DCDC2C: variants seen among roughly 807,000 people sequenced by gnomAD.
DCDC2C encodes the protein doublecortin domain-containing protein 2C.
In DCDC2C, 44 loss-of-function variants were observed where a neutral mutation model predicts 45.0. That is an observed-to-expected ratio of 0.98 (90% CI 0.77 to 1.26). The LOEUF (loss-of-function observed/expected upper bound fraction) is 1.26. DCDC2C is among the 50% of genes most tolerant of loss of function. DCDC2C has a pLI of 0.00. For missense variants in DCDC2C, 447 were observed against 468.9 expected, an observed-to-expected ratio of 0.95 and a Z score of 0.43; for synonymous variants, 187 against 178.8, an observed-to-expected ratio of 1.05 and a Z score of -0.37.
At chr2:3,838,793 A>G (rs1488431879) in intron 10 of DCDC2C, among the ~76,000 whole-genome samples, 2 of 152,334 alleles carry the variant, frequency 1.3e-5, no homozygotes, top group Non-Finnish European at 2.9e-5. Context: ...TCTGAAAAAC[A>G]TGTATGCCTT....
rs891700130 is a variant in DCDC2C at position 3,754,600 on chromosome 2, C to A, written c.692C>A (p.Ala231Glu). The change falls in exon 6 of 11, where the codon GCG (alanine) becomes GAG (glutamate). Residue 231 changes from alanine to glutamate, a missense_variant. Physicochemically the swap from Ala to Glu is moderately radical, Grantham distance 107. Transcript: ENST00000399143. The stretch of plus-strand genomic sequence containing the variant: ...CATCTTTTGTCTTGCAGAAGGTATG[C>A]GAATGTTGAAAAAAACTCACAGAGA... ...RVPSEVQQRY[A>E]NVEKNSQRKK... 35 of 1,548,792 alleles carry A rather than the reference C, an allele frequency of 2.3e-5. No homozygotes were observed. The highest frequency in any genetic ancestry group is 3.1e-5 in the Non-Finnish European group (35 of 1,146,472).
At chr2:3,813,057 ATATATATATATT>A (rs201434576) in intron 10 of DCDC2C, among the ~76,000 whole-genome samples, 13,747 of 100,164 alleles carry the variant, frequency 0.14, 1,244 homozygotes, top group East Asian at 0.29. Flanking sequence ...ATATATATAT[ATATATATATATT>A]TTTTTTTTTT....
intron 9 of DCDC2C, among the ~76,000 whole-genome samples, chr2:3,780,616 A>G (rs1670482666): frequency 6.6e-6 from 1 of 152,210 alleles, no homozygotes; most frequent in Non-Finnish European, 1.5e-5. Context: ...TCTTGCCTGA[A>G]CATTAATGAC....
intron 3 of DCDC2C, among the ~76,000 whole-genome samples, chr2:3,730,466 G>C (rs1347293450): frequency 6.6e-6 from 1 of 152,036 alleles, no homozygotes; most frequent in Non-Finnish European, 1.5e-5. Context: ...CCATCATTAC[G>C]ACAGAACAAA....
intron 10 of DCDC2C, among the ~76,000 whole-genome samples, chr2:3,835,112 T>C (rs1352524011): frequency 1.3e-5 from 2 of 152,170 alleles, no homozygotes; most frequent in Non-Finnish European, 2.9e-5. Flanking sequence ...GCAATGGAAG[T>C]GCTTCTCCAC....
At chr2:3,755,165 A>ATGTATGGATGCATGTGTG (rs1334138501) in intron 6 of DCDC2C, among the ~76,000 whole-genome samples, 3 of 151,154 alleles carry the variant, frequency 2.0e-5, no homozygotes, top group East Asian at 3.9e-4. Context: ...ATGCATGTGT[A>ATGTATGGATGCATGTGTG]TGTATGGATG....
chr2:3,798,836 A>G (rs1671032370), intron 10 of DCDC2C, among the ~76,000 whole-genome samples: 1 of 151,942 alleles, frequency 6.6e-6, no homozygotes, highest in African/African-American at 2.4e-5. Flanking sequence ...GGTGAATCTG[A>G]CAATTATGTG....
At chr2:3,797,777 G>A (rs1322788523) in intron 10 of DCDC2C, among the ~76,000 whole-genome samples, 1 of 151,922 alleles carries the variant, frequency 6.6e-6, no homozygotes, top group East Asian at 1.9e-4. Flanking sequence ...GCTGAGGAGA[G>A]CTTTACTTCC....
chr2:3,789,398 C>T (rs1037843681), intron 10 of DCDC2C, among the ~76,000 whole-genome samples: 2 of 152,126 alleles, frequency 1.3e-5, no homozygotes, highest in African/African-American at 4.8e-5. Flanking sequence ...CAACTTTATA[C>T]TGTATTTATT....
At chr2:3,830,173 A>G (rs1174789905) in intron 10 of DCDC2C, among the ~76,000 whole-genome samples, 1 of 152,206 alleles carries the variant, frequency 6.6e-6, no homozygotes, top group Non-Finnish European at 1.5e-5. Context: ...TCAGGCCCTG[A>G]TGTTTGTGCT....
At chr2:3,777,365 C>G (rs1318369976) in intron 8 of DCDC2C, among the ~76,000 whole-genome samples, 1 of 152,104 alleles carries the variant, frequency 6.6e-6, no homozygotes. Flanking sequence ...ATCTGTCTTC[C>G]CTATAAGACT....
At chr2:3,709,591 A>G (rs1668156025) in intron 2 of DCDC2C, among the ~76,000 whole-genome samples, 1 of 152,244 alleles carries the variant, frequency 6.6e-6, no homozygotes, top group African/African-American at 2.4e-5. Context: ...CGAGAGGGCA[A>G]GTTTCCAACT....
chr2:3,833,281 C>CT (rs1671996862), intron 10 of DCDC2C, among the ~76,000 whole-genome samples: 1 of 152,196 alleles, frequency 6.6e-6, no homozygotes, highest in Admixed American at 6.5e-5. Flanking sequence ...CCTGATTCCC[C>CT]TTTGCCATGC....
At chr2:3,755,003 C>T (rs1238084451) in intron 6 of DCDC2C, among the ~76,000 whole-genome samples, 1 of 152,152 alleles carries the variant, frequency 6.6e-6, no homozygotes, top group Non-Finnish European at 1.5e-5. Context: ...GGGAGGAGGA[C>T]ATTCCAGGCA....
rs564597252 is a variant in DCDC2C at position 3,759,480 on chromosome 2, G to A, written c.726+4846G>A. Among the ~76,000 whole-genome samples the A allele has an allele frequency of 1.1e-4, 16 of 152,264 alleles. No individual in the cohort carries two copies. The East Asian group carries it at 2.5e-3, about 24-fold the overall frequency. On this transcript the variant is annotated intron_variant, in intron 6 of 10. Transcript: ENST00000399143. ...ATTCATGGAATCTTGATTCAAAGAC[G>A]TGAGATGGAGAATAACAGAGAGTAA...
chr2:3,735,225 C>A (rs1008595680), intron 3 of DCDC2C, among the ~76,000 whole-genome samples: 3 of 151,140 alleles, frequency 2.0e-5, no homozygotes, highest in Admixed American at 6.6e-5. Flanking sequence ...TTGTAACTTT[C>A]TTTTTTTTAT....
intron 10 of DCDC2C, among the ~76,000 whole-genome samples, chr2:3,804,470 A>G (rs59970298): frequency 0.053 from 8,138 of 152,246 alleles, 735 homozygotes; most frequent in African/African-American, 0.19. Flanking sequence ...TAAAGGAAGG[A>G]CCTAGTAGTC....
chr2:3,752,642 A>G (rs775250918), intron 4 of DCDC2C, 121 bp from the exon 5 acceptor site: 1 of 1,209,928 alleles, frequency 8.3e-7, no homozygotes, highest in South Asian at 1.3e-5. Context: ...CGTGCTTACG[A>G]TGAGCACTGT....
At chr2:3,741,874 CT>C in intron 3 of DCDC2C, 45 bp from the exon 4 acceptor site, 2 of 1,504,286 alleles carry the variant, frequency 1.3e-6, no homozygotes, top group South Asian at 2.6e-5. Flanking sequence ...ATGTTTCCCC[CT>C]CAAACTTAAG....
Sources: gnomAD v4.1 joint callset for allele counts (sites outside exome capture counted in the v4.1 genomes callset) on GRCh38, gnomAD v4.1.1 for gene constraint, MANE v1.5 for transcripts, NCBI Gene and HGNC (gene_info 2026-07-23, HGNC 2026-07-21) for gene names.